Variants in MICU3 observed in about 807,000 individuals in gnomAD.
The protein encoded by MICU3 is calcium uptake protein 3, mitochondrial.
Under a neutral mutation model 66.5 loss-of-function variants are expected in MICU3, and 62 were observed. The observed-to-expected ratio is 0.93, with a 90% confidence interval of 0.76 to 1.15. MICU3 has a LOEUF of 1.15. MICU3 is among the 50% of genes most tolerant of loss of function. MICU3 has a pLI of 0.00. For missense variants in MICU3, 779 were observed against 664.4 expected (o/e 1.17, Z -1.90); for synonymous variants, 308 against 240.7 (o/e 1.28, Z -2.59).
At chr8:17,059,167 TTTTG>T (rs1386847327) in intron 1 of MICU3, among the ~76,000 whole-genome samples, 3 of 152,188 alleles carry the variant, frequency 2.0e-5, no homozygotes, top group Non-Finnish European at 4.4e-5. Context: ...TAGTTTGAGT[TTTTG>T]TTTGGGGATT....
downstream of MICU3, among the ~76,000 whole-genome samples, chr8:17,126,175 A>T (rs1179632572): frequency 6.6e-6 from 1 of 151,202 alleles, no homozygotes. Context: ...AGTTTCAATC[A>T]TTCCTTCTTA....
intron 10 of MICU3, 38 bp downstream of exon 10, chr8:17,104,529 C>A: frequency 3.6e-6 from 4 of 1,110,358 alleles, no homozygotes; most frequent in Non-Finnish European, 5.0e-6. Flanking sequence ...AAATTATTAG[C>A]CTACTGAAAT....
At chr8:17,056,128 C>T (rs1816883914) in intron 1 of MICU3, among the ~76,000 whole-genome samples, 2 of 152,214 alleles carry the variant, frequency 1.3e-5, no homozygotes, top group South Asian at 4.1e-4. Flanking sequence ...TCCGAATCCC[C>T]TGTTTCAGAT....
At chr8:17,045,743 A>T (rs1814964987) in intron 1 of MICU3, among the ~76,000 whole-genome samples, 1 of 152,200 alleles carries the variant, frequency 6.6e-6, no homozygotes, top group Non-Finnish European at 1.5e-5. Context: ...GGTTTGATGG[A>T]CTCACACTTC....
chr8:17,123,095 C>G (rs1159076), downstream of MICU3, among the ~76,000 whole-genome samples: 94,023 of 151,832 alleles, frequency 0.62, 29,312 homozygotes, highest in Admixed American at 0.69. Context: ...TATTCAGAAA[C>G]TGTAATAAAA....
chr8:17,042,039 C>T (rs1814214339), intron 1 of MICU3, among the ~76,000 whole-genome samples: 1 of 152,116 alleles, frequency 6.6e-6, no homozygotes. Context: ...TCAATATGAG[C>T]TTTTTAACAA....
At position 17,085,234 on chromosome 8, in the gene MICU3, A is replaced by G. The variant is rs1799346890; in HGVS notation, c.695-2A>G. The G allele has an allele frequency of 1.9e-6, 3 of 1,596,084 alleles. No individual in the cohort carries two copies. The highest frequency in any genetic ancestry group is 2.6e-6 in the Non-Finnish European group (3 of 1,171,536). ...GAATACCTTCTCTGTTTTTTCTGGC[A>G]GAGCCACATGCAGGGTTCAGAATAG... On this transcript the variant is annotated splice_acceptor_variant, in intron 5 of 14. Transcript: ENST00000318063. LOFTEE classifies it high-confidence loss of function.
intron 2 of MICU3, among the ~76,000 whole-genome samples, chr8:17,069,026 G>C (rs1165308324): frequency 6.6e-6 from 1 of 152,120 alleles, no homozygotes; most frequent in African/African-American, 2.4e-5. Context: ...AAGTTTTACA[G>C]TGTTTGAGAT....
At chr8:17,065,906 T>TA (rs923130573) in intron 2 of MICU3, among the ~76,000 whole-genome samples, 5 of 151,702 alleles carry the variant, frequency 3.3e-5, no homozygotes, top group Non-Finnish European at 7.4e-5. Flanking sequence ...GATTTTAAAT[T>TA]AAAAAAAAGA....
chr8:17,096,736 C>T (rs1464077440), intron 8 of MICU3, among the ~76,000 whole-genome samples: 3 of 151,712 alleles, frequency 2.0e-5, no homozygotes, highest in South Asian at 2.1e-4. Context: ...AAAACTGTTA[C>T]GTTCTAAATA....
At chr8:17,059,019 A>G (rs1366156058) in intron 1 of MICU3, among the ~76,000 whole-genome samples, 1 of 152,154 alleles carries the variant, frequency 6.6e-6, no homozygotes, top group Non-Finnish European at 1.5e-5. Flanking sequence ...ATAATATTTC[A>G]TTTGTATGTA....
At chr8:17,079,240 C>T (rs904409093) in intron 4 of MICU3, among the ~76,000 whole-genome samples, 51 of 152,044 alleles carry the variant, frequency 3.4e-4, no homozygotes, top group African/African-American at 1.2e-3. Flanking sequence ...AGCTACTAGC[C>T]GCATATGGCT....
intron 1 of MICU3, among the ~76,000 whole-genome samples, chr8:17,038,174 A>G (rs961393333): frequency 6.6e-6 from 1 of 151,956 alleles, no homozygotes; most frequent in African/African-American, 2.4e-5. Flanking sequence ...GTGATTTGGG[A>G]GGGCCCAGAG....
chr8:17,118,071 G>A (rs2904647), intron 13 of MICU3, among the ~76,000 whole-genome samples: 37,233 of 152,056 alleles, frequency 0.24, 4,655 homozygotes, highest in East Asian at 0.39. Flanking sequence ...AACATTTTAG[G>A]TGATGCCAGA....
chr8:17,075,088 A>G (rs1820178290), intron 3 of MICU3, among the ~76,000 whole-genome samples: 2 of 152,170 alleles, frequency 1.3e-5, no homozygotes, highest in Non-Finnish European at 1.5e-5. Flanking sequence ...TGGTTTTATT[A>G]GATAGAATAC....
chr8:17,106,112 C>T (rs1801715598), intron 11 of MICU3, among the ~76,000 whole-genome samples: 1 of 151,960 alleles, frequency 6.6e-6, no homozygotes, highest in African/African-American at 2.4e-5. Context: ...AATGTGTTGT[C>T]AGTGCTTCTG....
At chr8:17,085,002 G>C (rs1799317923) in intron 5 of MICU3, among the ~76,000 whole-genome samples, 1 of 152,134 alleles carries the variant, frequency 6.6e-6, no homozygotes, top group South Asian at 2.1e-4. Context: ...CTTTAGGAAA[G>C]TATTCAAATT....
chr8:17,118,087 T>A (rs1165440588), intron 13 of MICU3, among the ~76,000 whole-genome samples: 1 of 152,222 alleles, frequency 6.6e-6, no homozygotes, highest in African/African-American at 2.4e-5. Flanking sequence ...CCAGAAGTAC[T>A]TGAAACAAGT....
At chr8:17,080,331 G>A (rs759987281) in intron 4 of MICU3, among the ~76,000 whole-genome samples, 12 of 152,058 alleles carry the variant, frequency 7.9e-5, no homozygotes, top group Non-Finnish European at 1.8e-4. Flanking sequence ...GATATTCATG[G>A]TCTGGACACT....
Sources: allele counts gnomAD v4.1 joint callset (sites outside exome capture counted in the v4.1 genomes callset), GRCh38; gene constraint gnomAD v4.1.1; transcripts MANE v1.5; gene names NCBI Gene and HGNC (gene_info 2026-07-23, HGNC 2026-07-21).